The following ATG4A variants were observed in gnomAD, a reference collection of about 807,000 sequenced individuals.
The protein encoded by ATG4A is autophagy related 4A cysteine peptidase.
Under a neutral mutation model 38.4 loss-of-function variants are expected in ATG4A, and 22 were observed. The observed-to-expected ratio is 0.57, with a 90% CI of 0.41 to 0.82. The LOEUF is 0.82. Among genes scored for constraint, ATG4A ranks in the 40% least tolerant of loss-of-function variants. The pLI is 0.00. For missense variants in ATG4A, 220 were observed against 290.0 expected (o/e 0.76, Z 1.75); for synonymous variants, 86 against 100.7 (o/e 0.85, Z 0.88).
At chrX:108,141,010 G>A (rs1009034496) in intron 9 of ATG4A, among the ~76,000 whole-genome samples, 43 of 48,995 alleles carry the variant, frequency 8.8e-4, no homozygotes, top group East Asian at 1.4e-3. Context: ...ATATATATAC[G>A]TATATATACA....
upstream of ATG4A, chrX:108,091,537 C>T: frequency 8.4e-7 from 1 of 1,195,568 alleles, no homozygotes; most frequent in African/African-American, 1.7e-5. Context: ...GTCCCAGCAA[C>T]TACTTGTCGC....
At chrX:108,120,666 T>C (rs964752526) in intron 1 of ATG4A, among the ~76,000 whole-genome samples, 3 of 112,256 alleles carry the variant, frequency 2.7e-5, no homozygotes, top group African/African-American at 6.5e-5. Context: ...TCATATTTTC[T>C]GGGGCCAAAT....
Position 108,093,660 on chromosome X carries a change from C to T in ATG4A, c.10+1824C>T, listed in dbSNP as rs1461595475. Among the ~76,000 whole-genome samples, 4 of 112,172 alleles carry T rather than the reference C, an allele frequency of 3.6e-5. No homozygotes were observed. In the Admixed American group the frequency reaches 3.8e-4, roughly 11 times the overall value. On this transcript the variant is annotated intron_variant, in intron 1 of 12. Coordinates refer to ENST00000372232, the MANE Select transcript of ATG4A (RefSeq NM_052936.5). Reference sequence around the variant, plus strand: ...ACTGCAAAACTGTTTTCCAAAATGGCAGCAACATTTTGCACTTCCACTAGC... The same window carrying T: ...ACTGCAAAACTGTTTTCCAAAATGGTAGCAACATTTTGCACTTCCACTAGC...
chrX:108,140,522 G>A (rs1340240849), intron 9 of ATG4A, among the ~76,000 whole-genome samples: 1 of 104,825 alleles, frequency 9.5e-6, no homozygotes, highest in African/African-American at 3.5e-5. Flanking sequence ...ACTTCGCAAA[G>A]TATATTATCT....
chrX:108,104,738 G>A (rs763815240), intron 1 of ATG4A, among the ~76,000 whole-genome samples: 21 of 110,930 alleles, frequency 1.9e-4, no homozygotes, highest in Non-Finnish European at 3.0e-4. Flanking sequence ...TAAACTTTCT[G>A]TCCCTTTACC....
At chrX:108,141,088 A>ACG (rs2033276801) in intron 9 of ATG4A, among the ~76,000 whole-genome samples, 1 of 77,577 alleles carries the variant, frequency 1.3e-5, no homozygotes, top group Non-Finnish European at 2.4e-5. Context: ...ATATATATAT[A>ACG]TATATATATA....
intron 7 of ATG4A, 39 bp from the exon 8 acceptor site, chrX:108,137,765 A>G (rs201872940): frequency 9.1e-7 from 1 of 1,096,028 alleles, no homozygotes; most frequent in East Asian, 3.1e-5. Flanking sequence ...AGGGCTGAAG[A>G]CTCCTTACTT....
chrX:108,132,725 A>AT (rs1247070403), intron 4 of ATG4A, among the ~76,000 whole-genome samples: 6 of 80,956 alleles, frequency 7.4e-5, no homozygotes, highest in Admixed American at 1.3e-4. Context: ...TTACTATTTA[A>AT]TTTTTTTTTC....
chrX:108,122,684 G>A (rs187051624), intron 1 of ATG4A, among the ~76,000 whole-genome samples: 7 of 111,676 alleles, frequency 6.3e-5, no homozygotes, highest in African/African-American at 1.9e-4. Flanking sequence ...TATTTATTTG[G>A]CCTGACACAG....
chrX:108,097,290 G>C (rs1377044095), intron 1 of ATG4A, among the ~76,000 whole-genome samples: 1 of 112,023 alleles, frequency 8.9e-6, no homozygotes, highest in Non-Finnish European at 1.9e-5. Flanking sequence ...GCTGAAAATG[G>C]AATTATGTGT....
intron 9 of ATG4A, among the ~76,000 whole-genome samples, chrX:108,141,000 ATATATATACG>A (rs1253387546): frequency 6.1e-5 from 5 of 81,666 alleles, no homozygotes; most frequent in African/African-American, 2.9e-4. Context: ...ATATATATAC[ATATATATACG>A]TATATATACA....
chrX:108,139,613 G>T (rs1039082997), intron 9 of ATG4A, among the ~76,000 whole-genome samples: 1 of 113,033 alleles, frequency 8.8e-6, no homozygotes, highest in African/African-American at 3.2e-5. Context: ...AAAACCTAGT[G>T]TTTGGAGTTC....
intron 1 of ATG4A, among the ~76,000 whole-genome samples, chrX:108,115,056 T>A (rs755828828): frequency 1.8e-5 from 2 of 110,172 alleles, no homozygotes; most frequent in East Asian, 5.7e-4. Flanking sequence ...ATAGATAATA[T>A]CTGAGGCCCC....
intron 1 of ATG4A, among the ~76,000 whole-genome samples, chrX:108,104,856 A>G (rs2147966032): frequency 9.1e-6 from 1 of 109,440 alleles, no homozygotes; most frequent in African/African-American, 3.3e-5. Context: ...TATCATTTCA[A>G]ATAACTTGTC....
At chrX:108,130,239 A>G (rs1297497038) in intron 3 of ATG4A, among the ~76,000 whole-genome samples, 2 of 111,406 alleles carry the variant, frequency 1.8e-5, no homozygotes, top group Admixed American at 1.9e-4. Context: ...CTTGTCCTAC[A>G]AGGTTGATGA....
At chrX:108,094,907 A>G (rs773395739) in intron 1 of ATG4A, among the ~76,000 whole-genome samples, 2 of 112,494 alleles carry the variant, frequency 1.8e-5, no homozygotes, top group South Asian at 3.7e-4. Context: ...GAAAATATAT[A>G]TGCTGCAAAT....
intron 6 of ATG4A, among the ~76,000 whole-genome samples, chrX:108,135,604 G>C (rs2033078346): frequency 9.0e-6 from 1 of 111,687 alleles, no homozygotes; most frequent in Admixed American, 9.5e-5. Flanking sequence ...ACTCTGCTGA[G>C]TGAAAATCTG....
intron 2 of ATG4A, among the ~76,000 whole-genome samples, chrX:108,127,320 G>A (rs1334656273): frequency 2.7e-5 from 3 of 112,261 alleles, no homozygotes; most frequent in Non-Finnish European, 3.8e-5. Flanking sequence ...AAGGCATAAA[G>A]ACTGTCAGAG....
chrX:108,094,476 C>T (rs888518480), intron 1 of ATG4A, among the ~76,000 whole-genome samples: 3 of 110,863 alleles, frequency 2.7e-5, no homozygotes, highest in African/African-American at 3.3e-5. Flanking sequence ...TACCACATTA[C>T]GTTTAGTCAT....
Sources: allele counts gnomAD v4.1 joint callset (sites outside exome capture counted in the v4.1 genomes callset), GRCh38; gene constraint gnomAD v4.1.1; transcripts MANE v1.5; gene names NCBI Gene and HGNC (gene_info 2026-07-23, HGNC 2026-07-21).